The following SUCLG2 variants were observed in gnomAD, a reference collection of about 807,000 sequenced individuals.
SUCLG2 encodes succinate-CoA ligase GDP-forming subunit beta.
In SUCLG2, 42 loss-of-function variants were observed where a neutral mutation model predicts 47.9. The ratio of observed to expected loss-of-function variants is 0.88; its 90% CI spans 0.69 to 1.14. The LOEUF (loss-of-function observed/expected upper bound fraction) is 1.14, where lower values mean the gene tolerates loss of function less well. Ranked by LOEUF, SUCLG2 falls within the 50% of genes most tolerant of loss-of-function variation. SUCLG2 has a pLI of 0.00. For missense variants in SUCLG2, 571 were observed against 525.9 expected, an observed-to-expected ratio of 1.09 and a Z score of -0.84; for synonymous variants, 195 against 197.3, an observed-to-expected ratio of 0.99 and a Z score of 0.10.
chr3:67,602,693 TA>T (rs1708445343), intron 2 of SUCLG2, among the ~76,000 whole-genome samples: 1 of 152,158 alleles, frequency 6.6e-6, no homozygotes, highest in Admixed American at 6.5e-5. Context: ...ACCATTAATT[TA>T]AATTCAGGTG....
chr3:67,432,542 T>C (rs1224093253), intron 9 of SUCLG2, among the ~76,000 whole-genome samples: 1 of 152,208 alleles, frequency 6.6e-6, no homozygotes, highest in Non-Finnish European at 1.5e-5. Flanking sequence ...CTAATTTCTA[T>C]CCTTATGCCT....
At chr3:67,619,267 G>T (rs1425843476) in intron 1 of SUCLG2, among the ~76,000 whole-genome samples, 1 of 152,172 alleles carries the variant, frequency 6.6e-6, no homozygotes, top group South Asian at 2.1e-4. Context: ...TACCTCGTGA[G>T]ATTCTCCAAT....
intron 1 of SUCLG2, among the ~76,000 whole-genome samples, chr3:67,631,367 C>T (rs1194357614): frequency 1.3e-5 from 2 of 152,074 alleles, no homozygotes; most frequent in South Asian, 2.1e-4. Context: ...AGGGCTCATA[C>T]CTGTACTCTC....
chr3:67,625,245 C>G (rs558731619), intron 1 of SUCLG2, among the ~76,000 whole-genome samples: 6 of 152,206 alleles, frequency 3.9e-5, no homozygotes, highest in East Asian at 3.9e-4. Flanking sequence ...TGAGTGGCAT[C>G]GAAGGCTCGG....
chr3:67,470,563 C>A (rs1405600308), intron 9 of SUCLG2, among the ~76,000 whole-genome samples: 1 of 152,178 alleles, frequency 6.6e-6, no homozygotes, highest in Non-Finnish European at 1.5e-5. Flanking sequence ...AGTTGGTTAG[C>A]TGGAGTGGGC....
chr3:67,526,090 G>C (rs943297942), intron 4 of SUCLG2, among the ~76,000 whole-genome samples: 2 of 152,288 alleles, frequency 1.3e-5, no homozygotes, highest in African/African-American at 4.8e-5. Flanking sequence ...CCGCCATTTA[G>C]TGATATGGCC....
At chr3:67,651,063 T>A (rs1459417768) in intron 1 of SUCLG2, among the ~76,000 whole-genome samples, 1 of 152,100 alleles carries the variant, frequency 6.6e-6, no homozygotes, top group East Asian at 1.9e-4. Flanking sequence ...AGGATTTAGG[T>A]CTTTGGAAAG....
intron 2 of SUCLG2, among the ~76,000 whole-genome samples, chr3:67,543,165 T>G (rs1706763054): frequency 6.6e-6 from 1 of 152,182 alleles, no homozygotes. Flanking sequence ...AGAAACTCAC[T>G]CAAAATCACA....
chr3:67,518,883 C>A (rs1271510962), intron 5 of SUCLG2, among the ~76,000 whole-genome samples: 1 of 152,134 alleles, frequency 6.6e-6, no homozygotes, highest in African/African-American at 2.4e-5. Flanking sequence ...ATAATGTGAA[C>A]TTTGAAAACA....
intron 9 of SUCLG2, among the ~76,000 whole-genome samples, chr3:67,421,130 C>T (rs1703147309): frequency 6.6e-6 from 1 of 152,104 alleles, no homozygotes. Context: ...TGCTTAATGT[C>T]TGAGCAGGAA....
chr3:67,390,234 C>T (rs531922567), intron 10 of SUCLG2, among the ~76,000 whole-genome samples: 1 of 152,244 alleles, frequency 6.6e-6, no homozygotes, highest in Admixed American at 6.5e-5. Context: ...GTTTGGTGAC[C>T]ATTCAGAAGA....
At chr3:67,611,917 G>C (rs1214138422) in intron 1 of SUCLG2, among the ~76,000 whole-genome samples, 1 of 152,186 alleles carries the variant, frequency 6.6e-6, no homozygotes, top group Non-Finnish European at 1.5e-5. Context: ...AATGAGCACA[G>C]TTCCAAATCC....
intron 2 of SUCLG2, among the ~76,000 whole-genome samples, chr3:67,531,093 T>A (rs902847204): frequency 6.6e-6 from 1 of 152,182 alleles, no homozygotes; most frequent in Non-Finnish European, 1.5e-5. Flanking sequence ...AAGGATGATG[T>A]GAAGAATAAA....
At chr3:67,381,208 T>C (rs1021626217) in intron 10 of SUCLG2, among the ~76,000 whole-genome samples, 1 of 147,878 alleles carries the variant, frequency 6.8e-6, no homozygotes, top group African/African-American at 2.5e-5. Flanking sequence ...ATAAATAAAA[T>C]AAAATAAAAT....
At chr3:67,632,076 T>C (rs1442720970) in intron 1 of SUCLG2, among the ~76,000 whole-genome samples, 1 of 152,222 alleles carries the variant, frequency 6.6e-6, no homozygotes, top group Non-Finnish European at 1.5e-5. Flanking sequence ...TCATCATTTA[T>C]CTCTAAGACT....
At chr3:67,564,128 C>T (rs1466166393) in intron 2 of SUCLG2, among the ~76,000 whole-genome samples, 2 of 152,140 alleles carry the variant, frequency 1.3e-5, no homozygotes, top group Non-Finnish European at 2.9e-5. Flanking sequence ...TCAAGTGTAT[C>T]TGCAACAGCA....
chr3:67,625,897 T>C (rs1700817886), intron 1 of SUCLG2, among the ~76,000 whole-genome samples: 1 of 152,094 alleles, frequency 6.6e-6, no homozygotes, highest in East Asian at 1.9e-4. Flanking sequence ...AAAAAATTAA[T>C]GGAGTGCCCC....
rs139106172 is a variant in SUCLG2, at chr3:67,537,755, T to C, written c.227-8569A>G. Among the ~76,000 whole-genome samples, 403 of 152,370 alleles carry C rather than the reference T, an allele frequency of 2.6e-3. 4 individuals are homozygous for C. The highest frequency in any genetic ancestry group is 9.0e-3 in the African/African-American group (376 of 41,588). On this transcript the variant is annotated intron_variant, in intron 2 of 10. Coordinates refer to ENST00000307227, the MANE Select transcript of SUCLG2 (RefSeq NM_003848.4). ...CTATTATTTCCTGACTTTTTAATGG[T>C]TGCCATTCTAACTGGCGTGAGATGA...
chr3:67,466,303 A>T (rs994809817), intron 9 of SUCLG2, among the ~76,000 whole-genome samples: 1 of 152,224 alleles, frequency 6.6e-6, no homozygotes, highest in Non-Finnish European at 1.5e-5. Context: ...CAGTGAGCTG[A>T]GATAGTGCCA....
Sources: allele counts gnomAD v4.1 joint callset (sites outside exome capture counted in the v4.1 genomes callset), GRCh38; gene constraint gnomAD v4.1.1; transcripts MANE v1.5; gene names NCBI Gene and HGNC (gene_info 2026-07-23, HGNC 2026-07-21).